The following ERBB4 variants were observed in gnomAD, a reference collection of about 807,000 sequenced individuals.
ERBB4 encodes the protein receptor tyrosine-protein kinase erbB-4.
A neutral mutation model predicts 158.0 loss-of-function variants in ERBB4; 42 were observed. The observed-to-expected ratio is 0.27, with a 90% CI of 0.21 to 0.34. The LOEUF is 0.34. ERBB4 is among the 10% of genes least tolerant of loss of function. ERBB4 has a pLI of 1.00. For missense variants in ERBB4, 1,333 were observed against 1,624.1 expected (o/e 0.82, Z 3.08); for synonymous variants, 583 against 558.7 (o/e 1.04, Z -0.61).
intron 2 of ERBB4, among the ~76,000 whole-genome samples, chr2:211,954,327 C>G (rs2080967484): frequency 6.6e-6 from 1 of 152,002 alleles, no homozygotes; most frequent in Non-Finnish European, 1.5e-5. Flanking sequence ...GTATGTAAAA[C>G]TCTTATTCCT....
At chr2:211,705,539 T>A (rs1296730941) in intron 9 of ERBB4, 148 bp from the exon 10 acceptor site, 2 of 641,944 alleles carry the variant, frequency 3.1e-6, no homozygotes, top group East Asian at 5.6e-5. Context: ...GTGCTAGATG[T>A]GGAGGAGGAA....
At chr2:211,653,628 C>A (rs1399624279) in intron 16 of ERBB4, among the ~76,000 whole-genome samples, 2 of 152,018 alleles carry the variant, frequency 1.3e-5, no homozygotes, top group African/African-American at 2.4e-5. Context: ...TTTGGATAAT[C>A]CGCCAGTTAA....
At chr2:211,987,579 T>C (rs2081972035) in intron 2 of ERBB4, among the ~76,000 whole-genome samples, 1 of 151,404 alleles carries the variant, frequency 6.6e-6, no homozygotes, top group African/African-American at 2.4e-5. Flanking sequence ...AGAAGAGGAA[T>C]CTATTGCAAT....
intron 25 of ERBB4, among the ~76,000 whole-genome samples, chr2:211,401,440 A>ATATC (rs2063040504): frequency 1.3e-5 from 2 of 152,014 alleles, no homozygotes; most frequent in Admixed American, 1.3e-4. Context: ...CTAATAAGAT[A>ATATC]TATCTCAGAA....
chr2:211,528,413 G>T (rs2066409076), intron 20 of ERBB4, among the ~76,000 whole-genome samples: 1 of 151,988 alleles, frequency 6.6e-6, no homozygotes, highest in Non-Finnish European at 1.5e-5. Context: ...AATAATTGGA[G>T]ATTTCAACAC....
chr2:211,689,440 C>T (rs1459997864), intron 12 of ERBB4, among the ~76,000 whole-genome samples: 1 of 152,138 alleles, frequency 6.6e-6, no homozygotes. Context: ...TCAAGAAATT[C>T]TCCCATCTCT....
intron 2 of ERBB4, among the ~76,000 whole-genome samples, chr2:212,098,288 T>A (rs1458805757): frequency 1.3e-5 from 2 of 152,272 alleles, no homozygotes; most frequent in East Asian, 1.9e-4. Flanking sequence ...ATCCTTGACT[T>A]TGCATTTAAA....
At chr2:211,852,788 C>T (rs765767141) in intron 3 of ERBB4, among the ~76,000 whole-genome samples, 6 of 151,744 alleles carry the variant, frequency 4.0e-5, no homozygotes, top group Non-Finnish European at 8.8e-5. Flanking sequence ...CTTTGGGCTC[C>T]TACTACTTGC....
intron 1 of ERBB4, among the ~76,000 whole-genome samples, chr2:212,451,848 C>T (rs1309656228): frequency 1.3e-5 from 2 of 151,994 alleles, no homozygotes; most frequent in East Asian, 3.8e-4. Context: ...TGCTACAGGG[C>T]GCAGCTATTC....
intron 3 of ERBB4, among the ~76,000 whole-genome samples, chr2:211,817,330 C>T (rs1388631407): frequency 6.6e-6 from 1 of 152,102 alleles, no homozygotes; most frequent in Non-Finnish European, 1.5e-5. Context: ...CTCAATAGAG[C>T]GGAGTACCTT....
At chr2:211,430,907 A>ATATT (rs1452922490) in intron 21 of ERBB4, 38 bp downstream of exon 21, 10 of 1,534,912 alleles carry the variant, frequency 6.5e-6, no homozygotes, top group Admixed American at 3.3e-5. Context: ...ATATTATACT[A>ATATT]TATTTTCAAG....
chr2:212,537,739 G>A (rs983590795), intron 1 of ERBB4, among the ~76,000 whole-genome samples: 11 of 146,456 alleles, frequency 7.5e-5, no homozygotes, highest in Non-Finnish European at 1.5e-4. Flanking sequence ...TGGCTCAAGT[G>A]TGCCAAGCCT....
At chr2:212,256,899 C>G (rs1015048779) in intron 1 of ERBB4, among the ~76,000 whole-genome samples, 1 of 152,082 alleles carries the variant, frequency 6.6e-6, no homozygotes, top group Admixed American at 6.6e-5. Flanking sequence ...TTAGAACCAG[C>G]GTTTGTGTTA....
intron 1 of ERBB4, among the ~76,000 whole-genome samples, chr2:212,260,470 A>G (rs1018102219): frequency 1.3e-5 from 2 of 152,232 alleles, no homozygotes; most frequent in Non-Finnish European, 2.9e-5. Flanking sequence ...AGCTTACTTC[A>G]GCGTTTTCAA....
chr2:212,513,958 T>G (rs2106289316), intron 1 of ERBB4, among the ~76,000 whole-genome samples: 1 of 152,132 alleles, frequency 6.6e-6, no homozygotes, highest in South Asian at 2.1e-4. Context: ...TACAGACCAC[T>G]TTCCACATGC....
At chr2:212,106,893 G>T (rs1029080081) in intron 2 of ERBB4, among the ~76,000 whole-genome samples, 15 of 152,372 alleles carry the variant, frequency 9.8e-5, no homozygotes, top group South Asian at 2.1e-4. Context: ...GTTGACCCTG[G>T]TGGTGCACAG....
At chr2:212,265,788 T>C (rs1423796021) in intron 1 of ERBB4, among the ~76,000 whole-genome samples, 1 of 152,106 alleles carries the variant, frequency 6.6e-6, no homozygotes, top group Admixed American at 6.6e-5. Flanking sequence ...AATTACTTTG[T>C]CTTTCTGAAT....
intron 12 of ERBB4, among the ~76,000 whole-genome samples, chr2:211,700,204 A>T (rs1293989963): frequency 6.6e-6 from 1 of 152,198 alleles, no homozygotes; most frequent in African/African-American, 2.4e-5. Context: ...TATTGCCATG[A>T]ATCATCTACT....
chr2:212,063,981 A>G (rs2077862737), intron 2 of ERBB4, among the ~76,000 whole-genome samples: 1 of 152,080 alleles, frequency 6.6e-6, no homozygotes. Context: ...GGTAACTAAG[A>G]CTTGTTGAAG....
Sources: gnomAD v4.1 joint callset for allele counts (sites outside exome capture counted in the v4.1 genomes callset) on GRCh38, gnomAD v4.1.1 for gene constraint, MANE v1.5 for transcripts, NCBI Gene and HGNC (gene_info 2026-07-23, HGNC 2026-07-21) for gene names.